The following SEPTIN11 variants were observed in gnomAD, a reference collection of about 807,000 sequenced individuals.
SEPTIN11 encodes septin 11.
A neutral mutation model predicts 51.4 loss-of-function variants in SEPTIN11; 25 were observed. The observed-to-expected ratio is 0.49, with a 90% confidence interval of 0.35 to 0.68. SEPTIN11 has a LOEUF of 0.68. SEPTIN11 is among the 30% of genes least tolerant of loss of function. The pLI is 0.00. For synonymous variants in SEPTIN11, 174 were observed against 184.1 expected, an observed-to-expected ratio of 0.95 and a Z score of 0.44; for missense variants, 381 against 520.8, an observed-to-expected ratio of 0.73 and a Z score of 2.61.
chr4:76,998,531 C>T (rs1489271383), intron 2 of SEPTIN11, among the ~76,000 whole-genome samples: 3 of 152,126 alleles, frequency 2.0e-5, no homozygotes, highest in African/African-American at 4.8e-5. Flanking sequence ...CACGTTGCAT[C>T]GCTCTTTTAG....
intron 1 of SEPTIN11, among the ~76,000 whole-genome samples, chr4:76,973,780 C>T (rs1722360068): frequency 6.6e-6 from 1 of 152,166 alleles, no homozygotes; most frequent in South Asian, 2.1e-4. Flanking sequence ...TTTGTTTCCA[C>T]ATCTGCGAGG....
chr4:76,988,757 GC>G (rs1723182478), intron 1 of SEPTIN11, among the ~76,000 whole-genome samples: 2 of 152,224 alleles, frequency 1.3e-5, no homozygotes, highest in Admixed American at 6.5e-5. Context: ...AAAAGAAATT[GC>G]TTTTAAGCAG....
rs1724449227 is a variant in SEPTIN11, at chr4:77,005,859, A to G, written c.338+63A>G. 2.0e-6 allele frequency: 3 copies of G among 1,464,488 alleles called. No homozygotes were observed. The South Asian group carries it at 3.9e-5, about 19-fold the overall frequency. The allele number at this position is 1,464,488 out of a possible 1,614,324, so 90.7% of individuals were successfully genotyped here. A position where few individuals can be genotyped will look rare whatever the true frequency, so the allele number is the denominator to read the frequency against. Reference sequence around the variant, plus strand: ...GGAGATAGCAGGATCCATCCCAGGTAAATTTAAAGGCCAAATGTTTTGGGG... The same window carrying G: ...GGAGATAGCAGGATCCATCCCAGGTGAATTTAAAGGCCAAATGTTTTGGGG... On this transcript the variant is annotated intron_variant, in intron 3 of 9. Coordinates refer to ENST00000264893, the MANE Select transcript of SEPTIN11 (RefSeq NM_018243.4).
At chr4:77,029,683 C>G (rs2109983725) in intron 8 of SEPTIN11, among the ~76,000 whole-genome samples, 1 of 151,900 alleles carries the variant, frequency 6.6e-6, no homozygotes, top group Non-Finnish European at 1.5e-5. Flanking sequence ...CTTTGCTTTT[C>G]TTCTTCCCCT....
intron 1 of SEPTIN11, among the ~76,000 whole-genome samples, chr4:76,986,925 A>G (rs1012059020): frequency 1.3e-5 from 2 of 152,196 alleles, no homozygotes; most frequent in African/African-American, 4.8e-5. Context: ...ACATTTCCCG[A>G]AAATCTTACC....
At chr4:76,996,364 T>C in intron 1 of SEPTIN11, 61 bp from the exon 2 acceptor site, 1 of 1,113,520 alleles carries the variant, frequency 9.0e-7, no homozygotes, top group South Asian at 1.3e-5. Flanking sequence ...ATGTTTGTGA[T>C]ATGTGATATC....
chr4:77,025,098 G>A (rs937741348), intron 7 of SEPTIN11, among the ~76,000 whole-genome samples: 10 of 144,366 alleles, frequency 6.9e-5, no homozygotes, highest in Non-Finnish European at 1.4e-4. Flanking sequence ...CTCTCCCAAG[G>A]GCTGTTAAGA....
rs144955705 is a variant in SEPTIN11 at position 76,976,662 on chromosome 4, G to A, written c.28-19763G>A. 3.5e-3 allele frequency among the ~76,000 whole-genome samples: 539 copies of A among 152,318 alleles called. 2 individuals are homozygous for A. Among genetic ancestry groups the A allele is most frequent in the Middle Eastern group, 0.01 (3 of 294 alleles). ...ACTCTGTAGTATCTTCTTGCTTGGC[G>A]TCAGCATTTTAGACTTTTGTTTTGA... On this transcript the variant is annotated intron_variant, in intron 1 of 9. Transcript: ENST00000264893.
At chr4:77,010,400 T>A (rs952197486) in intron 3 of SEPTIN11, among the ~76,000 whole-genome samples, 1 of 152,084 alleles carries the variant, frequency 6.6e-6, no homozygotes, top group Non-Finnish European at 1.5e-5. Context: ...TTCATTCTTC[T>A]TATTGGAATT....
intron 1 of SEPTIN11, among the ~76,000 whole-genome samples, chr4:76,974,075 T>G (rs1226566452): frequency 6.6e-6 from 1 of 152,128 alleles, no homozygotes; most frequent in African/African-American, 2.4e-5. Context: ...TGGCTTTGGA[T>G]CTATGCTTTT....
chr4:77,009,270 A>G (rs1043719512), intron 3 of SEPTIN11, among the ~76,000 whole-genome samples: 2 of 152,208 alleles, frequency 1.3e-5, no homozygotes, highest in Admixed American at 6.5e-5. Context: ...CCACCATGCT[A>G]AGGAATACAG....
At chr4:77,033,490 G>C (rs945218108) in intron 9 of SEPTIN11, among the ~76,000 whole-genome samples, 12 of 151,964 alleles carry the variant, frequency 7.9e-5, no homozygotes, top group Non-Finnish European at 1.5e-4. Flanking sequence ...ACTTCTCCTT[G>C]ACCTGTAGTG....
chr4:76,966,543 A>G (rs1722040547), intron 1 of SEPTIN11, among the ~76,000 whole-genome samples: 1 of 152,078 alleles, frequency 6.6e-6, no homozygotes, highest in South Asian at 2.1e-4. Flanking sequence ...ATCTAACAAT[A>G]ATACATCTTG....
chr4:77,012,660 C>T (rs1024523780), intron 4 of SEPTIN11, among the ~76,000 whole-genome samples: 1 of 152,206 alleles, frequency 6.6e-6, no homozygotes, highest in African/African-American at 2.4e-5. Context: ...GAGGACTCTG[C>T]TGGGTGTTGT....
In SEPTIN11 at chr4:77,037,750, T is replaced by G. The variant is rs1727135991; in HGVS notation, c.*3238T>G. ...GTGATGGAAAAGCATTGATGAGAAT[T>G]TATTGGCAGTTCAGATTGTGTTTTC... On this transcript the variant is annotated 3_prime_UTR_variant, in exon 10 of 10. Coordinates refer to ENST00000264893, the MANE Select transcript of SEPTIN11 (RefSeq NM_018243.4). The G allele has an allele frequency of 1.0e-6, 1 of 985,728 alleles. No individual in the cohort carries two copies. The highest frequency in any genetic ancestry group is 6.1e-5 in the Admixed American group (1 of 16,262). 61.1% of individuals were successfully genotyped at this position (985,728 alleles called of 1,614,324 possible). A position where few individuals can be genotyped will look rare whatever the true frequency, so the allele number is the denominator to read the frequency against.
chr4:76,973,499 G>A (rs1722341401), intron 1 of SEPTIN11, among the ~76,000 whole-genome samples: 1 of 152,192 alleles, frequency 6.6e-6, no homozygotes, highest in African/African-American at 2.4e-5. Context: ...CTCTCCCAAG[G>A]TTCCTCATCA....
downstream of SEPTIN11, chr4:77,039,648 T>TG: frequency 1.2e-6 from 1 of 853,816 alleles, no homozygotes; most frequent in Non-Finnish European, 1.4e-6. Context: ...TTGGGGTTTT[T>TG]AAAAAAAAAA....
chr4:76,994,220 C>T (rs1281650684), intron 1 of SEPTIN11, among the ~76,000 whole-genome samples: 2 of 152,172 alleles, frequency 1.3e-5, no homozygotes, highest in Non-Finnish European at 1.5e-5. Context: ...TAGCCTGATA[C>T]ACAACAGCTA....
rs546187980 is a variant in SEPTIN11 at position 76,963,257 on chromosome 4, G to A, written c.27+13327G>A. Reference sequence around the variant, plus strand: ...GCACATTGGCTTTGCCACTAAACCCGTTGCACACACTGCAGTGGTTTCCTA... The same window carrying A: ...GCACATTGGCTTTGCCACTAAACCCATTGCACACACTGCAGTGGTTTCCTA... On this transcript the variant is annotated intron_variant, in intron 1 of 9. Transcript: ENST00000264893. Among the ~76,000 whole-genome samples the A allele has an allele frequency of 5.9e-5, 9 of 152,246 alleles. No individual in the cohort carries two copies. In the South Asian group the frequency reaches 1.7e-3, roughly 28 times the overall value.
Sources: gnomAD v4.1 joint callset for allele counts (sites outside exome capture counted in the v4.1 genomes callset) on GRCh38, gnomAD v4.1.1 for gene constraint, MANE v1.5 for transcripts, NCBI Gene and HGNC (gene_info 2026-07-23, HGNC 2026-07-21) for gene names.